Variants in GRM8 observed in about 807,000 individuals in gnomAD.
GRM8 encodes metabotropic glutamate receptor 8.
GRM8 carries 47 observed loss-of-function variants against 87.2 expected under a neutral mutation model. That is an observed-to-expected ratio of 0.54 (90% CI 0.43 to 0.69). The LOEUF (loss-of-function observed/expected upper bound fraction) is 0.69. Ranked by LOEUF, GRM8 falls within the 30% of genes least tolerant of loss-of-function variation. GRM8 has a pLI of 0.00. For synonymous variants in GRM8, 396 were observed against 404.5 expected, an observed-to-expected ratio of 0.98 and a Z score of 0.25; for missense variants, 1,019 against 1,139.2, an observed-to-expected ratio of 0.89 and a Z score of 1.52.
At chr7:126,900,180 T>TG (rs1270289170) in intron 6 of GRM8, among the ~76,000 whole-genome samples, 1 of 152,194 alleles carries the variant, frequency 6.6e-6, no homozygotes, top group Non-Finnish European at 1.5e-5. Flanking sequence ...GAACTGTCTG[T>TG]GGGGTCCCAG....
chr7:127,239,187 AGTT>A (rs1798149217), intron 2 of GRM8, among the ~76,000 whole-genome samples: 1 of 152,222 alleles, frequency 6.6e-6, no homozygotes, highest in Non-Finnish European at 1.5e-5. Context: ...GCCTTCCTAA[AGTT>A]GTCCAAAAAA....
chr7:126,865,812 T>C (rs771790395), intron 6 of GRM8, among the ~76,000 whole-genome samples: 1 of 152,234 alleles, frequency 6.6e-6, no homozygotes, highest in Non-Finnish European at 1.5e-5. Flanking sequence ...TGCCACATTT[T>C]ATTTGCCTGT....
At chr7:126,762,608 G>A (rs1817696206) in intron 7 of GRM8, among the ~76,000 whole-genome samples, 1 of 151,962 alleles carries the variant, frequency 6.6e-6, no homozygotes, top group African/African-American at 2.4e-5. Flanking sequence ...GAAATAACTA[G>A]GCAGTATTTT....
Position 126,983,030 on chromosome 7 carries a change from A to C in GRM8, c.728-78347T>G, listed in dbSNP as rs373129352. Among the ~76,000 whole-genome samples, 81 of 152,292 alleles carry C rather than the reference A, an allele frequency of 5.3e-4. No homozygotes were observed. In the South Asian group the frequency reaches 8.9e-3, roughly 17 times the overall value. On this transcript the variant is annotated intron_variant, in intron 3 of 10. Coordinates refer to ENST00000339582, the MANE Select transcript of GRM8 (RefSeq NM_000845.3). ...AGTAGTAGACTGATTTCGTCTTGATAGTCTGGGTCAATCACCCCAGACAGC... is the reference window on the plus strand; with the variant it reads ...AGTAGTAGACTGATTTCGTCTTGATCGTCTGGGTCAATCACCCCAGACAGC...
At chr7:126,855,351 T>A (rs1797577519) in intron 6 of GRM8, among the ~76,000 whole-genome samples, 1 of 152,158 alleles carries the variant, frequency 6.6e-6, no homozygotes, top group Admixed American at 6.6e-5. Context: ...TGAAGATACA[T>A]ACTGTTAATC....
At chr7:127,158,608 T>C (rs1792885360) in intron 2 of GRM8, among the ~76,000 whole-genome samples, 1 of 152,238 alleles carries the variant, frequency 6.6e-6, no homozygotes, top group Non-Finnish European at 1.5e-5. Flanking sequence ...ACCTTGCTAA[T>C]GTGTCACCAC....
chr7:126,618,175 A>T (rs1799728831), intron 7 of GRM8, among the ~76,000 whole-genome samples: 1 of 152,196 alleles, frequency 6.6e-6, no homozygotes, highest in African/African-American at 2.4e-5. Context: ...GTACCAAAAC[A>T]GAGATATAGA....
chr7:126,712,742 C>T (rs1385398168), intron 7 of GRM8, among the ~76,000 whole-genome samples: 2 of 151,900 alleles, frequency 1.3e-5, no homozygotes, highest in African/African-American at 4.8e-5. Context: ...GGAATTTAAA[C>T]AAATTTACAA....
chr7:126,827,867 T>C (rs1026775104), intron 6 of GRM8, among the ~76,000 whole-genome samples: 2 of 152,236 alleles, frequency 1.3e-5, no homozygotes, highest in African/African-American at 4.8e-5. Context: ...ATAGCTCTTA[T>C]TATTTTGAGA....
At chr7:126,886,444 A>G (rs560990781) in intron 6 of GRM8, among the ~76,000 whole-genome samples, 17 of 152,282 alleles carry the variant, frequency 1.1e-4, no homozygotes, top group African/African-American at 3.6e-4. Flanking sequence ...AAAGGTGCCT[A>G]AGTGAACAAT....
chr7:126,477,579 GAGAGAAAGAAAGAAAGAAAGAA>G (rs1554445994), intron 9 of GRM8, among the ~76,000 whole-genome samples: 43 of 81,626 alleles, frequency 5.3e-4, no homozygotes, highest in African/African-American at 1.7e-3. Flanking sequence ...AAGAAAGAAA[GAGAGAAAGAAAGAAAGAAAGAA>G]AGAAAGAAAG....
intron 8 of GRM8, among the ~76,000 whole-genome samples, chr7:126,557,027 T>C (rs2299465): frequency 0.32 from 48,483 of 152,010 alleles, 8,376 homozygotes; most frequent in East Asian, 0.44. Flanking sequence ...AAGAAAAAGA[T>C]AAGATAGAGC....
chr7:127,144,813 CCTT>C (rs1287419872), intron 2 of GRM8, among the ~76,000 whole-genome samples: 4 of 152,014 alleles, frequency 2.6e-5, no homozygotes, highest in Non-Finnish European at 5.9e-5. Flanking sequence ...TAATTTCTGT[CCTT>C]CTTTCTCATA....
intron 7 of GRM8, among the ~76,000 whole-genome samples, chr7:126,632,132 T>C (rs78391354): frequency 6.6e-6 from 1 of 152,216 alleles, no homozygotes; most frequent in East Asian, 1.9e-4. Flanking sequence ...AATCTATCCA[T>C]CTGACAAAGG....
intron 8 of GRM8, among the ~76,000 whole-genome samples, chr7:126,594,684 A>G (rs1221783020): frequency 1.3e-5 from 2 of 152,130 alleles, no homozygotes; most frequent in African/African-American, 4.8e-5. Context: ...AGATAATAAT[A>G]TATTGTATTC....
At chr7:127,185,384 G>A (rs1794679325) in intron 2 of GRM8, among the ~76,000 whole-genome samples, 1 of 152,142 alleles carries the variant, frequency 6.6e-6, no homozygotes, top group East Asian at 1.9e-4. Flanking sequence ...TTCAACAAAT[G>A]CCATGGGAAT....
intron 7 of GRM8, among the ~76,000 whole-genome samples, chr7:126,711,047 T>C (rs1811046875): frequency 1.3e-5 from 2 of 152,116 alleles, no homozygotes; most frequent in Admixed American, 6.5e-5. Flanking sequence ...TGGTGGTGCA[T>C]ACCTGCAATC....
At chr7:126,633,727 T>C (rs1801578248) in intron 7 of GRM8, among the ~76,000 whole-genome samples, 1 of 152,000 alleles carries the variant, frequency 6.6e-6, no homozygotes, top group South Asian at 2.1e-4. Context: ...ATAACCTCTT[T>C]CACTAAATAA....
At chr7:126,546,854 A>AAGTAACCCTAAATGG (rs1464316854) in intron 8 of GRM8, among the ~76,000 whole-genome samples, 7 of 152,224 alleles carry the variant, frequency 4.6e-5, no homozygotes, top group African/African-American at 1.7e-4. Context: ...GTTTTAGTCA[A>AAGTAACCCTAAATGG]AGTAACCCTA....
Sources: allele counts gnomAD v4.1 joint callset (sites outside exome capture counted in the v4.1 genomes callset), GRCh38; gene constraint gnomAD v4.1.1; transcripts MANE v1.5; gene names NCBI Gene and HGNC (gene_info 2026-07-23, HGNC 2026-07-21).